ADAMTS13: variants seen among roughly 807,000 people sequenced by gnomAD.
ADAMTS13 encodes the protein ADAM metallopeptidase with thrombospondin type 1 motif 13, also known as A disintegrin and metalloproteinase with thrombospondin motifs 13.
A neutral mutation model predicts 155.1 loss-of-function variants in ADAMTS13; 110 were observed. The observed-to-expected ratio is 0.71, with a 90% CI of 0.61 to 0.83. The LOEUF (loss-of-function observed/expected upper bound fraction) is 0.83, where lower values mean the gene tolerates loss of function less well. Ranked by LOEUF, ADAMTS13 falls within the 40% of genes least tolerant of loss-of-function variation. The pLI is 0.00. For synonymous variants in ADAMTS13, 758 were observed against 756.4 expected, an observed-to-expected ratio of 1.00 and a Z score of -0.03; for missense variants, 1,707 against 1,891.7, an observed-to-expected ratio of 0.90 and a Z score of 1.81.
chr9:133,433,652 G>A lies in ADAMTS13; in HGVS notation c.1256G>A (p.Gly419Glu). Reference protein sequence around the residue: ...RQCNNPRPAFGGRACVGADLQ... With the variant: ...RQCNNPRPAFEGRACVGADLQ... ...CTGGGCATTTTCAGACCTGCCTTTGGGGGGCGTGCATGTGTTGGTGCTGAC... is the reference window on the plus strand; with the variant it reads ...CTGGGCATTTTCAGACCTGCCTTTGAGGGGCGTGCATGTGTTGGTGCTGAC... The change falls in exon 11 of 29, where the codon GGG (glycine) becomes GAG (glutamate). Residue 419 changes from glycine to glutamate, a missense_variant. Physicochemically the swap from Gly to Glu is moderately conservative, Grantham distance 98 (BLOSUM62 -2). Coordinates refer to ENST00000355699, the MANE Select transcript of ADAMTS13 (RefSeq NM_139027.6). 1.9e-6 allele frequency: 3 copies of A among 1,613,978 alleles called. No homozygotes were observed. The highest frequency in any genetic ancestry group is 2.5e-6 in the Non-Finnish European group (3 of 1,179,988).
At position 133,459,185 on chromosome 9, in the gene ADAMTS13, C is replaced by A. The variant is rs782789529; in HGVS notation, c.*5C>A. ...AAGGGAAAGGAAGGAACCTGAGGGT[C>A]ATTGAACATTTGTTCCGTGTCTGGC... On this transcript the variant is annotated 3_prime_UTR_variant, in exon 29 of 29. Coordinates refer to ENST00000355699, the MANE Select transcript of ADAMTS13 (RefSeq NM_139027.6). The A allele has an allele frequency of 1.9e-6, 3 of 1,604,002 alleles. No individual in the cohort carries two copies. In the South Asian group the frequency reaches 3.3e-5, roughly 18 times the overall value.
upstream of ADAMTS13, chr9:133,418,243 T>TG (rs587711213): frequency 1.3e-3 from 348 of 274,046 alleles, 1 homozygote; most frequent in African/African-American, 7.2e-3. Context: ...GGAAGGGAAC[T>TG]GGGGGGCCGC....
Position 133,442,549 on chromosome 9 carries a change from A to G in ADAMTS13, c.2104+15A>G. The G allele has an allele frequency of 6.2e-7, 1 of 1,613,492 alleles. No individual in the cohort carries two copies. Among genetic ancestry groups the G allele is most frequent in the Non-Finnish European group, 8.5e-7 (1 of 1,180,010 alleles). On this transcript the variant is annotated intron_variant, in intron 17 of 28. Transcript: ENST00000355699. Reference sequence around the variant, plus strand: ...CTGTGGGGCAGGTGAGACCTGGGGAAGGCTCATCCACAGCACGGCTTGCCC... The same window carrying G: ...CTGTGGGGCAGGTGAGACCTGGGGAGGGCTCATCCACAGCACGGCTTGCCC...
chr9:133,446,085 C>T (rs1385663610), intron 21 of ADAMTS13, among the ~76,000 whole-genome samples: 3 of 152,132 alleles, frequency 2.0e-5, no homozygotes, highest in African/African-American at 4.8e-5. Context: ...GCAGAGCGGC[C>T]GGGGGGTCCC....
Position 133,432,640 on chromosome 9 carries a change from G to A in ADAMTS13, c.1040G>A (p.Cys347Tyr). The change falls in exon 9 of 29, where the codon TGC (cysteine) becomes TAC (tyrosine). Residue 347 changes from cysteine (C) to tyrosine (Y), a missense_variant. Transcript: ENST00000355699. ...ACAGACCCGCTGGACCAAAGCAGCT[G>A]CAGCCGCCTCCTCGTTCCTCTCCTG... is the stretch of plus-strand genomic sequence containing the variant. The part of the protein sequence containing the change: ...CHTDPLDQSS[C>Y]SRLLVPLLDG... 6.4e-7 allele frequency: 1 copy of A among 1,559,438 alleles called. No individual in the cohort carries two copies. The highest frequency in any genetic ancestry group is 8.7e-7 in the Non-Finnish European group (1 of 1,150,992).
At chr9:133,436,782 G>GCC in intron 11 of ADAMTS13, 47 bp from the exon 12 acceptor site, 1 of 653,240 alleles carries the variant, frequency 1.5e-6, no homozygotes, top group Non-Finnish European at 2.2e-6. Context: ...GACAACACCC[G>GCC]CCCCCCGCCC....
In ADAMTS13 at chr9:133,415,295, G is replaced by C. The variant is rs1281400142; in HGVS notation, n.287+651G>C. 2.6e-5 allele frequency among the ~76,000 whole-genome samples: 4 copies of C among 151,986 alleles called. No homozygotes were observed. In the East Asian group the frequency reaches 7.7e-4, roughly 29 times the overall value. ...AATGTCAAACTCATTCTACACCTTG[G>C]GTACCTGTTGAGTGGCTGGACACCA... is the stretch of plus-strand genomic sequence containing the variant. On this transcript the variant is annotated intron_variant and non_coding_transcript_variant, in intron 1 of 17. Coordinates refer to the ADAMTS13 transcript ENST00000485925.
chr9:133,449,166 G>A (rs782376336), intron 22 of ADAMTS13, among the ~76,000 whole-genome samples: 7 of 152,176 alleles, frequency 4.6e-5, no homozygotes, highest in Admixed American at 1.3e-4. Flanking sequence ...GATGCAACGC[G>A]TGTAAAGTAC....
At chr9:133,436,779 C>CGGGGGGGGG in intron 11 of ADAMTS13, 50 bp from the exon 12 acceptor site, 2 of 414,012 alleles carry the variant, frequency 4.8e-6, no homozygotes, top group Non-Finnish European at 9.8e-6. Flanking sequence ...AGTGACAACA[C>CGGGGGGGGG]CCGCCCCCCG....
At position 133,428,612 on chromosome 9, in the gene ADAMTS13, C is replaced by G. The variant is rs1267954654; in HGVS notation, c.687-22C>G. ...CCCGCCCCTGCCGGCCGCCTTAGCG[C>G]AACTCCCCGCCCCCCGACCAGCTTC... On this transcript the variant is annotated intron_variant, in intron 6 of 28. Transcript: ENST00000355699. The G allele has an allele frequency of 2.5e-5, 30 of 1,182,776 alleles. No individual in the cohort carries two copies. The East Asian group carries it at 1.3e-3, about 51-fold the overall frequency. 73.3% of individuals were successfully genotyped at this position (1,182,776 alleles called of 1,614,324 possible). A position where few individuals can be genotyped will look rare whatever the true frequency, so the allele number is the denominator to read the frequency against.
intron 27 of ADAMTS13, 101 bp from the exon 28 acceptor site, chr9:133,457,809 C>T (rs1260068318): frequency 3.4e-6 from 5 of 1,471,860 alleles, no homozygotes; most frequent in Non-Finnish European, 4.7e-6. Context: ...ATATTGACCA[C>T]AGTGCCATGC....
intron 2 of ADAMTS13, among the ~76,000 whole-genome samples, chr9:133,423,921 G>A (rs587674217): frequency 6.6e-6 from 1 of 152,384 alleles, no homozygotes; most frequent in African/African-American, 2.4e-5. Context: ...GGAGAGGACA[G>A]TGAGGGCTGG....
intron 6 of ADAMTS13, among the ~76,000 whole-genome samples, chr9:133,427,483 G>A (rs990350424): frequency 1.3e-5 from 2 of 152,186 alleles, no homozygotes; most frequent in Non-Finnish European, 2.9e-5. Flanking sequence ...TCTGAGCCTG[G>A]GAGGGTTGAG....
chr9:133,458,832 G>T (rs1842918568), intron 28 of ADAMTS13, 142 bp from the exon 29 acceptor site: 2 of 797,188 alleles, frequency 2.5e-6, no homozygotes, highest in Admixed American at 4.4e-5. Flanking sequence ...CGGTTTTCTG[G>T]GTAGAGTAAT....
intron 15 of ADAMTS13, 24 bp downstream of exon 15, chr9:133,439,470 C>G: frequency 1.9e-6 from 3 of 1,587,324 alleles, no homozygotes; most frequent in Non-Finnish European, 2.6e-6. Flanking sequence ...AGGACTCCCA[C>G]CCAGTTAGCT....
Position 133,436,809 on chromosome 9 carries a change from C to T in ADAMTS13, c.1309-20C>T. 1 of 1,330,584 alleles carries T rather than the reference C, an allele frequency of 7.5e-7. No homozygotes were observed. The highest frequency in any genetic ancestry group is 1.0e-6 in the Non-Finnish European group (1 of 989,906). The allele number at this position is 1,330,584 out of a possible 1,614,324, so 82.4% of individuals were successfully genotyped here. The stretch of plus-strand genomic sequence containing the variant: ...CCCCCGCCCCACCGCCATCCCCCTC[C>T]TCTGCCTCCTCCTGGCCAGGCCTGC... On this transcript the variant is annotated intron_variant, in intron 11 of 28. Transcript: ENST00000355699.
chr9:133,432,325 CAAGTT>C (rs371520039), intron 8 of ADAMTS13, among the ~76,000 whole-genome samples: 4 of 152,188 alleles, frequency 2.6e-5, no homozygotes, highest in East Asian at 1.9e-4. Flanking sequence ...AAGTCAGTGA[CAAGTT>C]AAGAAGGAAA....
intron 12 of ADAMTS13, 45 bp from the exon 13 acceptor site, chr9:133,437,704 C>G (rs914123655): frequency 6.2e-7 from 1 of 1,612,622 alleles, no homozygotes; most frequent in African/African-American, 1.3e-5. Flanking sequence ...GGGACTTGCC[C>G]CTCCTGCTCG....
Position 133,456,461 on chromosome 9 carries a change from C to G in ADAMTS13, c.3548-82C>G. 6.5e-7 allele frequency: 1 copy of G among 1,543,474 alleles called. No homozygotes were observed. The highest frequency in any genetic ancestry group is 8.8e-7 in the Non-Finnish European group (1 of 1,134,782). ...AGCAGTGGGAGAGGTGGGACTTGAA[C>G]TCGGCTCAGTCTACCCTGGAGCCAC... is the stretch of plus-strand genomic sequence containing the variant. On this transcript the variant is annotated intron_variant, in intron 26 of 28. Coordinates refer to ENST00000355699, the MANE Select transcript of ADAMTS13 (RefSeq NM_139027.6). The surrounding 1 kb of genome is among the most constrained non-coding windows in gnomAD (Gnocchi z 4.4).
Sources: allele counts gnomAD v4.1 joint callset (sites outside exome capture counted in the v4.1 genomes callset), GRCh38; gene constraint gnomAD v4.1.1; non-coding constraint Gnocchi (gnomAD v3.1); transcripts MANE v1.5; gene names NCBI Gene and HGNC (gene_info 2026-07-23, HGNC 2026-07-21).